The following EPC1 variants were observed in gnomAD, a reference collection of about 807,000 sequenced individuals.
EPC1 encodes enhancer of polycomb 1, also known as enhancer of polycomb homolog 1.
EPC1 carries 12 observed loss-of-function variants against 98.4 expected under a neutral mutation model. The ratio of observed to expected loss-of-function variants is 0.12; its 90% CI spans 0.08 to 0.20. The LOEUF is 0.20. Among genes scored for constraint, EPC1 ranks in the 10% least tolerant of loss-of-function variants. The pLI is 1.00. For missense variants in EPC1, 729 were observed against 990.5 expected, an observed-to-expected ratio of 0.74 and a Z score of 3.54; for synonymous variants, 357 against 363.9, an observed-to-expected ratio of 0.98 and a Z score of 0.21.
Position 32,298,089 on chromosome 10 carries a change from G to A in EPC1, c.314-4352C>T, listed in dbSNP as rs565020507. ...TGGGATTACAGGCGTGAGCCACCGC[G>A]CCTGGCCAGTTAGATTATTTTTAAA... On this transcript the variant is annotated intron_variant, in intron 2 of 13. Coordinates refer to ENST00000319778, the MANE Select transcript of EPC1 (RefSeq NM_001272004.3). Among the ~76,000 whole-genome samples the A allele has an allele frequency of 5.8e-4, 89 of 152,248 alleles. No homozygotes were observed. In the Middle Eastern group the frequency reaches 0.024, roughly 41 times the overall value.
At chr10:32,366,177 T>C (rs1157239637) in intron 1 of EPC1, among the ~76,000 whole-genome samples, 1 of 152,178 alleles carries the variant, frequency 6.6e-6, no homozygotes, top group Non-Finnish European at 1.5e-5. Context: ...AAATCTACAT[T>C]ACAAAACATG....
intron 2 of EPC1, among the ~76,000 whole-genome samples, chr10:32,304,070 C>T (rs1178962807): frequency 6.6e-6 from 1 of 152,188 alleles, no homozygotes; most frequent in African/African-American, 2.4e-5. Context: ...AAATAAGCTA[C>T]AATTCTGCTG....
At chr10:32,337,244 T>G (rs1348484555) in intron 1 of EPC1, among the ~76,000 whole-genome samples, 2 of 152,194 alleles carry the variant, frequency 1.3e-5, no homozygotes, top group African/African-American at 4.8e-5. Flanking sequence ...CAATAACCCT[T>G]CTGAGGGTTC....
chr10:32,358,175 G>C lies in EPC1; in HGVS notation c.3+20316C>G, dbSNP rs138476526. On this transcript the variant is annotated intron_variant, in intron 1 of 13. Coordinates refer to the EPC1 transcript ENST00000375110. ...CAGGCTACTTCTCAGTATAATTTGA[G>C]AATGCTCCCATCTCATTAAATACTC... Among the ~76,000 whole-genome samples, 376 of 152,176 alleles carry C rather than the reference G, an allele frequency of 2.5e-3. 2 individuals carry two copies. Among genetic ancestry groups the C allele is most frequent in the African/African-American group, 8.7e-3 (362 of 41,512 alleles).
chr10:32,324,768 C>G (rs1370876371), intron 1 of EPC1, among the ~76,000 whole-genome samples: 3 of 151,994 alleles, frequency 2.0e-5, no homozygotes, highest in Non-Finnish European at 4.4e-5. Context: ...CCGAGGTCGG[C>G]GGATCACGAG....
intron 1 of EPC1, among the ~76,000 whole-genome samples, chr10:32,318,151 G>A (rs992844023): frequency 2.0e-5 from 3 of 152,078 alleles, no homozygotes; most frequent in African/African-American, 7.2e-5. Context: ...CTCTTTCTAC[G>A]CTTAGAAAAG....
chr10:32,362,510 A>C (rs1839472272), intron 1 of EPC1, among the ~76,000 whole-genome samples: 1 of 151,934 alleles, frequency 6.6e-6, no homozygotes, highest in Non-Finnish European at 1.5e-5. Flanking sequence ...TCTCATTCCC[A>C]CTTTACCTTC....
chr10:32,346,634 C>G (rs1838841407), intron 1 of EPC1, 129 bp downstream of exon 1: 3 of 959,330 alleles, frequency 3.1e-6, no homozygotes, highest in Non-Finnish European at 4.7e-6. Flanking sequence ...ATAGGCCCGG[C>G]CGGCGACTGA....
intron 10 of EPC1, among the ~76,000 whole-genome samples, chr10:32,278,921 T>G (rs924701681): frequency 1.4e-4 from 21 of 152,214 alleles, no homozygotes; most frequent in Non-Finnish European, 2.5e-4. Flanking sequence ...TGAGATTATT[T>G]GCAGTCAAAT....
intron 6 of EPC1, among the ~76,000 whole-genome samples, chr10:32,288,583 TC>T (rs76952634): frequency 0.15 from 23,152 of 151,998 alleles, 2,051 homozygotes; most frequent in South Asian, 0.33. Context: ...ACTCTTGACC[TC>T]AAGTGACCTG....
chr10:32,371,914 CA>C (rs5784288), intron 1 of EPC1, among the ~76,000 whole-genome samples: 79,469 of 151,916 alleles, frequency 0.52, 23,053 homozygotes, highest in East Asian at 0.69. Context: ...AAAAATAAAA[CA>C]AAAAGATTCC....
Position 32,316,447 on chromosome 10 carries a change from CA to C in EPC1, c.154-10517del, listed in dbSNP as rs1836551599. On this transcript the variant is annotated intron_variant, in intron 1 of 13. Transcript: ENST00000319778. ...TGTCCACCAAAATAGGACAGATGAA[CA>C]AACTGTGGTAAAGCCATACAGCAGA... Among the ~76,000 whole-genome samples the C allele has an allele frequency of 2.0e-5, 3 of 152,230 alleles. No homozygotes were observed. The South Asian group carries it at 6.2e-4, about 32-fold the overall frequency.
chr10:32,355,122 C>T (rs1290079565), intron 1 of EPC1, among the ~76,000 whole-genome samples: 1 of 152,148 alleles, frequency 6.6e-6, no homozygotes, highest in Non-Finnish European at 1.5e-5. Context: ...AAGTTGTCTC[C>T]CATGAAACTA....
At chr10:32,368,351 A>G (rs1157337412) in intron 1 of EPC1, among the ~76,000 whole-genome samples, 3 of 151,834 alleles carry the variant, frequency 2.0e-5, no homozygotes, top group Non-Finnish European at 4.4e-5. Context: ...ATCATAGCCT[A>G]CTCTCTATCC....
Position 32,334,237 on chromosome 10 carries a change from G to A in EPC1, c.153+12526C>T, listed in dbSNP as rs933029682. ...GCTTTGATAGGAATGTTTTATAGAG[G>A]TTACCTTAAGCCTGACCCAATACTG... is the stretch of plus-strand genomic sequence containing the variant. On this transcript the variant is annotated intron_variant, in intron 1 of 13. Coordinates refer to ENST00000319778, the MANE Select transcript of EPC1 (RefSeq NM_001272004.3). Among the ~76,000 whole-genome samples the A allele has an allele frequency of 7.2e-5, 11 of 152,264 alleles. No homozygotes were observed. In the East Asian group the frequency reaches 1.3e-3, roughly 19 times the overall value.
intron 1 of EPC1, among the ~76,000 whole-genome samples, chr10:32,362,368 T>C (rs1839468088): frequency 1.3e-5 from 2 of 152,078 alleles, no homozygotes; most frequent in African/African-American, 4.8e-5. Context: ...TTCTCATGAA[T>C]GATTTAGCAC....
intron 1 of EPC1, among the ~76,000 whole-genome samples, chr10:32,319,737 C>A (rs140178465): frequency 6.6e-6 from 1 of 152,058 alleles, no homozygotes; most frequent in Non-Finnish European, 1.5e-5. Flanking sequence ...AGTGCAGTGG[C>A]GCAATCTCGG....
At chr10:32,303,039 C>T (rs1835665087) in intron 2 of EPC1, among the ~76,000 whole-genome samples, 1 of 152,136 alleles carries the variant, frequency 6.6e-6, no homozygotes, top group South Asian at 2.1e-4. Flanking sequence ...CGCAGTGGCT[C>T]ATGTCTGTAA....
chr10:32,295,353 A>T (rs1011375073), intron 2 of EPC1, among the ~76,000 whole-genome samples: 1 of 152,226 alleles, frequency 6.6e-6, no homozygotes, highest in African/African-American at 2.4e-5. Flanking sequence ...CTTAAAGCTT[A>T]ACACAGTGTC....
Sources: gnomAD v4.1 joint callset for allele counts (sites outside exome capture counted in the v4.1 genomes callset) on GRCh38, gnomAD v4.1.1 for gene constraint, MANE v1.5 for transcripts, NCBI Gene and HGNC (gene_info 2026-07-23, HGNC 2026-07-21) for gene names.